TTC6: variants seen among roughly 807,000 people sequenced by gnomAD.
TTC6 encodes tetratricopeptide repeat domain 6.
TTC6 carries 172 observed loss-of-function variants against 210.4 expected under a neutral mutation model. The ratio of observed to expected loss-of-function variants is 0.82; its 90% CI spans 0.72 to 0.93. The LOEUF is 0.93. TTC6 is among the 40% of genes least tolerant of loss of function. The pLI, the probability that TTC6 is intolerant of heterozygous loss-of-function variation, is 0.00. For synonymous variants in TTC6, 804 were observed against 819.6 expected (o/e 0.98, Z 0.32); for missense variants, 2,414 against 2,318.1 (o/e 1.04, Z -0.85).
intron 2 of TTC6, among the ~76,000 whole-genome samples, chr14:37,681,988 A>G (rs1415240360): frequency 6.6e-6 from 1 of 152,102 alleles, no homozygotes; most frequent in Non-Finnish European, 1.5e-5. Flanking sequence ...TGTGAAGGAA[A>G]GTGATATGGT....
chr14:37,730,715 C>G (rs1257527909), intron 7 of TTC6, among the ~76,000 whole-genome samples: 1 of 152,140 alleles, frequency 6.6e-6, no homozygotes, highest in Non-Finnish European at 1.5e-5. Flanking sequence ...CTGCCTCTTG[C>G]ATTCCAATTT....
intron 1 of TTC6, among the ~76,000 whole-genome samples, chr14:37,633,443 G>C (rs912886815): frequency 6.6e-6 from 1 of 152,120 alleles, no homozygotes; most frequent in African/African-American, 2.4e-5. Flanking sequence ...CTGACCCTTT[G>C]TGGGCTGCAC....
intron 1 of TTC6, among the ~76,000 whole-genome samples, chr14:37,634,435 CAG>C (rs2139356338): frequency 6.6e-6 from 1 of 152,100 alleles, no homozygotes; most frequent in South Asian, 2.1e-4. Flanking sequence ...GAGCTGAAAA[CAG>C]AGACAGTAGA....
At chr14:37,607,343 G>A (rs2095626929) in intron 2 of TTC6, among the ~76,000 whole-genome samples, 1 of 152,158 alleles carries the variant, frequency 6.6e-6, no homozygotes, top group Non-Finnish European at 1.5e-5. Context: ...AGAACATTAA[G>A]TCTAGAGCTC....
At chr14:37,742,412 G>GT (rs61616277) in intron 10 of TTC6, among the ~76,000 whole-genome samples, 33,750 of 150,978 alleles carry the variant, frequency 0.22, 4,018 homozygotes, top group East Asian at 0.46. Flanking sequence ...TTTTTGTTTT[G>GT]TTTTTTTTGT....
At chr14:37,784,340 T>A (rs936708943) in intron 14 of TTC6, among the ~76,000 whole-genome samples, 4 of 152,216 alleles carry the variant, frequency 2.6e-5, no homozygotes, top group African/African-American at 9.7e-5. Flanking sequence ...GATAGTTAGC[T>A]CTTTTTGTTG....
Position 37,696,235 on chromosome 14 carries a change from C to CA in TTC6, c.1258-475dup, listed in dbSNP as rs1013365634. On this transcript the variant is annotated intron_variant, in intron 3 of 30. Transcript: ENST00000553443. The stretch of plus-strand genomic sequence containing the variant: ...CTGATTTCTTCCTTAAATCTAATCT[C>CA]AAAAAAATATAGAGAAACCCACAGA... 2.0e-5 allele frequency among the ~76,000 whole-genome samples: 3 copies of CA among 151,870 alleles called. No individual in the cohort carries two copies. In the East Asian group the frequency reaches 5.8e-4, roughly 29 times the overall value.
intron 1 of TTC6, among the ~76,000 whole-genome samples, chr14:37,630,933 T>G (rs2095668667): frequency 8.6e-6 from 1 of 116,280 alleles, no homozygotes; most frequent in African/African-American, 3.5e-5. Flanking sequence ...TTTTTTTTTT[T>G]TTTTTTTTTT....
rs558349573 is a variant in TTC6 at position 37,815,802 on chromosome 14, G to A, written c.4690-1776G>A. On this transcript the variant is annotated intron_variant, in intron 25 of 30. Transcript: ENST00000553443. ...AAAATTATAATATTAAATAACAGTG[G>A]CTAACTTTATTCTAAGTAATGCTAA... is the stretch of plus-strand genomic sequence containing the variant. Among the ~76,000 whole-genome samples the A allele has an allele frequency of 1.9e-4, 29 of 152,024 alleles. No individual in the cohort carries two copies. The East Asian group carries it at 5.4e-3, about 28-fold the overall frequency.
At chr14:37,674,871 C>T (rs2095765587) in intron 1 of TTC6, among the ~76,000 whole-genome samples, 1 of 152,010 alleles carries the variant, frequency 6.6e-6, no homozygotes, top group East Asian at 1.9e-4. Flanking sequence ...CATTACATGT[C>T]TTTTTTTTAT....
chr14:37,807,669 C>T (rs1011821552), intron 23 of TTC6, among the ~76,000 whole-genome samples: 9 of 151,834 alleles, frequency 5.9e-5, no homozygotes, highest in Non-Finnish European at 1.3e-4. Flanking sequence ...TTTTAAATAA[C>T]ATTTATTATT....
intron 4 of TTC6, among the ~76,000 whole-genome samples, chr14:37,700,013 T>C (rs2138672498): frequency 6.6e-6 from 1 of 152,296 alleles, no homozygotes; most frequent in South Asian, 2.1e-4. Flanking sequence ...ATTGCAGCTT[T>C]AAAGGCCCAT....
At chr14:37,718,014 T>C (rs2095855435) in intron 6 of TTC6, among the ~76,000 whole-genome samples, 1 of 152,204 alleles carries the variant, frequency 6.6e-6, no homozygotes, top group Non-Finnish European at 1.5e-5. Flanking sequence ...CTACATCAGA[T>C]GCTAGTGCCT....
chr14:37,617,449 T>C (rs2095644589), upstream of TTC6, among the ~76,000 whole-genome samples: 1 of 152,150 alleles, frequency 6.6e-6, no homozygotes, highest in African/African-American at 2.4e-5. Flanking sequence ...GCCTGAAAAA[T>C]AGCTTTTTCT....
chr14:37,622,276 G>C (rs2095652381), exon 1 of TTC6: 2 of 1,535,020 alleles, frequency 1.3e-6, no homozygotes, highest in South Asian at 1.2e-5. Flanking sequence ...GCCGCAGCCC[G>C]GACGTCGAGA....
At chr14:37,778,307 A>G (rs545162050) in intron 14 of TTC6, among the ~76,000 whole-genome samples, 1 of 149,854 alleles carries the variant, frequency 6.7e-6, no homozygotes, top group Admixed American at 6.6e-5. Flanking sequence ...CATGGCCTTC[A>G]TGTGCGTGTT....
At chr14:37,666,740 G>T (rs186075610) in intron 1 of TTC6, among the ~76,000 whole-genome samples, 2 of 150,172 alleles carry the variant, frequency 1.3e-5, no homozygotes, top group African/African-American at 2.4e-5. Context: ...GGGGATAGGT[G>T]GGGGAAAGAC....
At chr14:37,605,895 G>GTT (rs200989659) in intron 1 of TTC6, among the ~76,000 whole-genome samples, 4 of 145,216 alleles carry the variant, frequency 2.8e-5, no homozygotes, top group East Asian at 4.0e-4. Context: ...TTATTCACAG[G>GTT]TTTTTTTTTT....
intron 1 of TTC6, among the ~76,000 whole-genome samples, chr14:37,626,864 A>G (rs466255): frequency 0.65 from 98,972 of 151,992 alleles, 33,847 homozygotes; most frequent in African/African-American, 0.87. Flanking sequence ...GGAAAAACCT[A>G]TGGCGCCACT....
Sources: gnomAD v4.1 joint callset for allele counts (sites outside exome capture counted in the v4.1 genomes callset) on GRCh38, gnomAD v4.1.1 for gene constraint, MANE v1.5 for transcripts, NCBI Gene and HGNC (gene_info 2026-07-23, HGNC 2026-07-21) for gene names.